Variants in TMPRSS12 observed in about 807,000 individuals in gnomAD.
TMPRSS12 encodes the protein transmembrane serine protease 12, also known as transmembrane protease serine 12.
A neutral mutation model predicts 26.0 loss-of-function variants in TMPRSS12; 25 were observed. The observed-to-expected ratio is 0.96, with a 90% CI of 0.70 to 1.34. TMPRSS12 has a LOEUF of 1.34. Ranked by LOEUF, TMPRSS12 falls within the 40% of genes most tolerant of loss-of-function variation. TMPRSS12 has a pLI of 0.00. For missense variants in TMPRSS12, 441 were observed against 440.1 expected, an observed-to-expected ratio of 1.00 and a Z score of -0.02; for synonymous variants, 150 against 161.7, an observed-to-expected ratio of 0.93 and a Z score of 0.55.
intron 3 of TMPRSS12, among the ~76,000 whole-genome samples, chr12:50,862,341 G>T (rs1259960054): frequency 6.6e-6 from 1 of 152,132 alleles, no homozygotes; most frequent in Non-Finnish European, 1.5e-5. Context: ...AGTTGACTTT[G>T]ATCTTGAGGG....
intron 3 of TMPRSS12, among the ~76,000 whole-genome samples, chr12:50,878,863 G>A (rs1938138131): frequency 1.3e-5 from 2 of 152,184 alleles, no homozygotes; most frequent in African/African-American, 4.8e-5. Flanking sequence ...CCCAAGGTAT[G>A]ATATTAGGAA....
chr12:50,845,480 A>T (rs1176803108), intron 2 of TMPRSS12, among the ~76,000 whole-genome samples: 5 of 152,020 alleles, frequency 3.3e-5, no homozygotes, highest in African/African-American at 1.2e-4. Context: ...TGTGCTGTCA[A>T]CTCCTAGGTC....
Position 50,849,451 on chromosome 12 carries a change from C to T in TMPRSS12, c.383+5414C>T, listed in dbSNP as rs140698829. ...AAATGTTCTGTTCTACAACTTTTGA[C>T]AGTGTAGATAGTCATGTAATTACTA... On this transcript the variant is annotated intron_variant, in intron 2 of 4. Coordinates refer to ENST00000398458, the MANE Select transcript of TMPRSS12 (RefSeq NM_182559.3). Among the ~76,000 whole-genome samples the T allele has an allele frequency of 2.6e-3, 392 of 152,250 alleles. 4 individuals carry two copies. The highest frequency in any genetic ancestry group is 9.1e-3 in the African/African-American group (376 of 41,542).
Position 50,863,992 on chromosome 12 carries a change from A to G in TMPRSS12, c.652+4939A>G, listed in dbSNP as rs1161493403. Among the ~76,000 whole-genome samples, 9 of 152,242 alleles carry G rather than the reference A, an allele frequency of 5.9e-5. No homozygotes were observed. The East Asian group carries it at 1.7e-3, about 29-fold the overall frequency. On this transcript the variant is annotated intron_variant, in intron 3 of 4. Coordinates refer to ENST00000398458, the MANE Select transcript of TMPRSS12 (RefSeq NM_182559.3). ...AACTCCATAATTATTTTAAAATAAA[A>G]AGCTTTTTAAATGAACCACATATAA...
intron 3 of TMPRSS12, among the ~76,000 whole-genome samples, chr12:50,863,452 C>T (rs1352504130): frequency 6.6e-6 from 1 of 152,022 alleles, no homozygotes; most frequent in Non-Finnish European, 1.5e-5. Context: ...TACAAATGTC[C>T]ACACACAAAA....
intron 3 of TMPRSS12, among the ~76,000 whole-genome samples, chr12:50,874,034 G>A (rs886587805): frequency 6.6e-6 from 1 of 151,938 alleles, no homozygotes; most frequent in Non-Finnish European, 1.5e-5. Context: ...GGCTCAAGAA[G>A]AAATGAATAT....
intron 2 of TMPRSS12, among the ~76,000 whole-genome samples, chr12:50,853,581 C>CAAAAAAAAAAAAAA (rs34657217): frequency 4.9e-5 from 5 of 102,362 alleles, no homozygotes; most frequent in Non-Finnish European, 7.8e-5. Context: ...GCTAGACTAA[C>CAAAAAAAAAAAAAA]AAAAAAAAAA....
intron 3 of TMPRSS12, among the ~76,000 whole-genome samples, chr12:50,884,835 G>A (rs1016406869): frequency 6.6e-6 from 1 of 151,218 alleles, no homozygotes; most frequent in African/African-American, 2.4e-5. Context: ...TCACGCCACT[G>A]CACTGCAGCC....
intron 3 of TMPRSS12, among the ~76,000 whole-genome samples, chr12:50,879,201 C>T (rs4768934): frequency 0.56 from 84,846 of 152,020 alleles, 23,821 homozygotes; most frequent in East Asian, 0.65. Context: ...GCTACAGTTG[C>T]AAGACTTCTA....
chr12:50,876,718 G>C (rs902154788), intron 3 of TMPRSS12, among the ~76,000 whole-genome samples: 4 of 151,230 alleles, frequency 2.6e-5, no homozygotes, highest in African/African-American at 9.7e-5. Context: ...GCAGGAGAAT[G>C]GCGTGAACCT....
intron 1 of TMPRSS12, among the ~76,000 whole-genome samples, 199 bp from the exon 2 acceptor site, chr12:50,843,643 T>G (rs1245246326): frequency 1.3e-5 from 2 of 152,140 alleles, no homozygotes; most frequent in Non-Finnish European, 2.9e-5. Flanking sequence ...TGACTTCATG[T>G]CTATTTGTAA....
chr12:50,859,057 A>T lies in TMPRSS12; in HGVS notation c.652+4A>T, dbSNP rs1244318391. Reference sequence around the variant, plus strand: ...TGGGGAAGAACAAAAGAAGAAGGTAATTATGGTCTGAATTTTACTGATACA... The same window carrying T: ...TGGGGAAGAACAAAAGAAGAAGGTATTTATGGTCTGAATTTTACTGATACA... On this transcript the variant is annotated splice_donor_region_variant and intron_variant, in intron 3 of 4. Transcript: ENST00000398458. The T allele has an allele frequency of 6.4e-7, 1 of 1,569,756 alleles. No homozygotes were observed. The highest frequency in any genetic ancestry group is 1.4e-5 in the African/African-American group (1 of 73,310).
At position 50,870,025 on chromosome 12, in the gene TMPRSS12, G is replaced by T. The variant is rs148231681; in HGVS notation, c.652+10972G>T. On this transcript the variant is annotated intron_variant, in intron 3 of 4. Coordinates refer to ENST00000398458, the MANE Select transcript of TMPRSS12 (RefSeq NM_182559.3). ...TTGAACCCAGGAGGCGGAGGTTGCA[G>T]TGAGCTGAGATCGTGCCACTGCACT... Among the ~76,000 whole-genome samples, 1,115 of 152,270 alleles carry T rather than the reference G, an allele frequency of 7.3e-3. 17 individuals carry two copies. The highest frequency in any genetic ancestry group is 0.046 in the South Asian group (220 of 4,830).
At chr12:50,853,581 C>CAAAAAAAAAAAAAAAA (rs34657217) in intron 2 of TMPRSS12, among the ~76,000 whole-genome samples, 4 of 102,370 alleles carry the variant, frequency 3.9e-5, no homozygotes, top group Non-Finnish European at 5.9e-5. Context: ...GCTAGACTAA[C>CAAAAAAAAAAAAAAAA]AAAAAAAAAA....
Position 50,858,888 on chromosome 12 carries a change from T to G in TMPRSS12, c.487T>G (p.Phe163Val). ...KIKAIIIHPN[F>V]ILESYVNDIA... ...TAAAGCAATCATTATTCATCCAAAC[T>G]TCATTTTGGAATCTTATGTAAATGA... Residue 163 changes from phenylalanine (F) to valine (V), a missense_variant, in exon 3 of 5, where the codon TTC becomes GTC. Coordinates refer to ENST00000398458, the MANE Select transcript of TMPRSS12 (RefSeq NM_182559.3). 1 of 1,593,868 alleles carries G rather than the reference T, an allele frequency of 6.3e-7. No individual in the cohort carries two copies. Among genetic ancestry groups the G allele is most frequent in the Non-Finnish European group, 8.6e-7 (1 of 1,168,866 alleles).
Position 50,857,558 on chromosome 12 carries a change from T to C in TMPRSS12, c.384-1227T>C, listed in dbSNP as rs113516431. Among the ~76,000 whole-genome samples the C allele has an allele frequency of 4.6e-5, 7 of 152,278 alleles. 1 individual carries two copies. The highest frequency in any genetic ancestry group is 1.7e-4 in the African/African-American group (7 of 41,552). Reference sequence around the variant, plus strand: ...AAGCAACAGTGTATAAAGTGAAAGTTCTTCCTTCCTAATTTGATTCCAGAA... The same window carrying C: ...AAGCAACAGTGTATAAAGTGAAAGTCCTTCCTTCCTAATTTGATTCCAGAA... On this transcript the variant is annotated intron_variant, in intron 2 of 4. Coordinates refer to ENST00000398458, the MANE Select transcript of TMPRSS12 (RefSeq NM_182559.3).
In TMPRSS12 at chr12:50,858,945, A is replaced by G; in HGVS notation, c.544A>G (p.Arg182Gly). ...ACTTTTTCACTTAAAAAAAGCAGTG[A>G]GGTATAATGACTATATTCAGCCTAT... Reference protein sequence around the residue: ...IALFHLKKAVRYNDYIQPICL... With the variant: ...IALFHLKKAVGYNDYIQPICL... The change falls in exon 3 of 5, where the codon AGG becomes GGG. Residue 182 changes from arginine (R) to glycine (G), a missense_variant. By Grantham distance (125) the Arg-to-Gly change is moderately radical. Transcript: ENST00000398458. 3 of 1,590,132 alleles carry G rather than the reference A, an allele frequency of 1.9e-6. No individual in the cohort carries two copies. Among genetic ancestry groups the G allele is most frequent in the Non-Finnish European group, 2.6e-6 (3 of 1,166,870 alleles).
chr12:50,864,829 TTG>T (rs1177232106), intron 3 of TMPRSS12, among the ~76,000 whole-genome samples: 2 of 151,830 alleles, frequency 1.3e-5, no homozygotes, highest in African/African-American at 4.8e-5. Context: ...AGCTAATTTT[TTG>T]TGTGTTTTTA....
chr12:50,870,761 A>T (rs1444898219), intron 3 of TMPRSS12, among the ~76,000 whole-genome samples: 1 of 147,730 alleles, frequency 6.8e-6, no homozygotes, highest in African/African-American at 2.5e-5. Context: ...AAGTTTCCAG[A>T]TACAAGATTA....
Sources: allele counts gnomAD v4.1 joint callset (sites outside exome capture counted in the v4.1 genomes callset), GRCh38; gene constraint gnomAD v4.1.1; transcripts MANE v1.5; gene names NCBI Gene and HGNC (gene_info 2026-07-23, HGNC 2026-07-21).